The following FRAS1 variants were observed in gnomAD, a reference collection of about 807,000 sequenced individuals.
FRAS1 encodes the protein Fraser extracellular matrix complex subunit 1, also known as extracellular matrix organizing protein FRAS1.
A neutral mutation model predicts 435.2 loss-of-function variants in FRAS1; 290 were observed. That is an observed-to-expected ratio of 0.67 (90% CI 0.61 to 0.73). The LOEUF is 0.73. FRAS1 is among the 30% of genes least tolerant of loss of function. The pLI, the probability that FRAS1 is intolerant of heterozygous loss-of-function variation, is 0.00. For missense variants in FRAS1, 4,860 were observed against 5,001.5 expected, an observed-to-expected ratio of 0.97 and a Z score of 0.85; for synonymous variants, 1,800 against 1,851.0, an observed-to-expected ratio of 0.97 and a Z score of 0.71.
At position 78,508,960 on chromosome 4, in the gene FRAS1, T is replaced by C; in HGVS notation, c.9734T>C (p.Phe3245Ser). 6.2e-7 allele frequency: 1 copy of C among 1,613,976 alleles called. No individual in the cohort carries two copies. The highest frequency in any genetic ancestry group is 8.5e-7 in the Non-Finnish European group (1 of 1,179,868). Residue 3245 changes from phenylalanine to serine, a missense_variant, in exon 63 of 74, where the codon TTT becomes TCT. Transcript: ENST00000512123. ...GATGGCAATGGGGCCCGGTCTCCCT[T>C]TGAAACCATCACTGACAACACACCA... ...PTDGNGARSP[F>S]ETITDNTPFT...
chr4:78,064,045 A>G (rs1181419345), intron 1 of FRAS1, among the ~76,000 whole-genome samples: 2 of 151,920 alleles, frequency 1.3e-5, no homozygotes, highest in Non-Finnish European at 2.9e-5. Context: ...ACACACATAC[A>G]TATGTACACA....
At chr4:78,442,139 A>G (rs532146271) in intron 41 of FRAS1, among the ~76,000 whole-genome samples, 23 of 152,248 alleles carry the variant, frequency 1.5e-4, no homozygotes, top group Non-Finnish European at 3.4e-4. Context: ...CCAGAAATTC[A>G]CTTAGCAGTG....
chr4:78,418,953 G>A lies in FRAS1; in HGVS notation c.4430G>A (p.Arg1477Lys). ...TCCTTCTTAAACTTTGTTTAGGCTA[G>A]AGAAGATGGCCTGACTGTTATTCAG... ...SLEASLHMTA[R>K]EDGLTVIQPH... The change falls in exon 33 of 74, where the codon AGA (arginine) becomes AAA (lysine). Residue 1477 changes from arginine (R) to lysine (K), a missense_variant. By Grantham distance (26) the Arg-to-Lys change is conservative. Transcript: ENST00000512123. The A allele has an allele frequency of 2.5e-6, 4 of 1,589,742 alleles. No individual in the cohort carries two copies. The highest frequency in any genetic ancestry group is 2.7e-5 in the African/African-American group (2 of 74,100).
intron 5 of FRAS1, among the ~76,000 whole-genome samples, chr4:78,254,822 T>G (rs1295289012): frequency 6.6e-6 from 1 of 152,210 alleles, no homozygotes; most frequent in Non-Finnish European, 1.5e-5. Context: ...TTAGTTGCTA[T>G]TTAATGTTTT....
chr4:78,502,208 T>C (rs1207491506), intron 61 of FRAS1, among the ~76,000 whole-genome samples: 2 of 152,206 alleles, frequency 1.3e-5, no homozygotes, highest in Non-Finnish European at 2.9e-5. Context: ...AGGGCTCTTT[T>C]TTGGCTCCAT....
intron 70 of FRAS1, among the ~76,000 whole-genome samples, chr4:78,528,037 G>A (rs1314740954): frequency 6.6e-6 from 1 of 152,044 alleles, no homozygotes; most frequent in African/African-American, 2.4e-5. Flanking sequence ...AAGGAGAATT[G>A]GGACACTAGG....
At chr4:78,413,938 C>T (rs942407845) in intron 32 of FRAS1, among the ~76,000 whole-genome samples, 13 of 152,006 alleles carry the variant, frequency 8.6e-5, no homozygotes, top group African/African-American at 1.2e-4. Context: ...CAGACAGAGC[C>T]GCAAGCATAT....
At chr4:78,173,057 T>G (rs529861179) in intron 2 of FRAS1, among the ~76,000 whole-genome samples, 79 of 152,350 alleles carry the variant, frequency 5.2e-4, no homozygotes, top group African/African-American at 1.8e-3. Flanking sequence ...ACAGCTCAGG[T>G]GTGCTCGAAA....
chr4:78,463,000 C>A (rs1719416920), intron 47 of FRAS1, among the ~76,000 whole-genome samples: 2 of 151,814 alleles, frequency 1.3e-5, no homozygotes, highest in African/African-American at 4.8e-5. Context: ...ATCACCAAAC[C>A]CAGAAAACAG....
At chr4:78,154,769 G>C (rs961090980) in intron 2 of FRAS1, among the ~76,000 whole-genome samples, 4 of 152,204 alleles carry the variant, frequency 2.6e-5, no homozygotes, top group African/African-American at 9.7e-5. Context: ...CAGTTGGGTA[G>C]TTAAAAACAA....
intron 2 of FRAS1, among the ~76,000 whole-genome samples, chr4:78,184,121 A>G (rs1489484516): frequency 5.9e-5 from 9 of 152,220 alleles, no homozygotes; most frequent in Admixed American, 5.9e-4. Context: ...TGGGTTGATT[A>G]TAAATTGTCC....
intron 30 of FRAS1, among the ~76,000 whole-genome samples, chr4:78,402,195 T>A (rs139871932): frequency 1.3e-5 from 2 of 152,196 alleles, no homozygotes; most frequent in African/African-American, 4.8e-5. Context: ...AAATTGATCA[T>A]GTGAAAATGA....
At chr4:78,152,525 C>A (rs1344189367) in intron 2 of FRAS1, among the ~76,000 whole-genome samples, 1 of 151,912 alleles carries the variant, frequency 6.6e-6, no homozygotes, top group Non-Finnish European at 1.5e-5. Flanking sequence ...TATTTCCTCC[C>A]CAACTAGAGG....
rs1181240723 is a variant in FRAS1 at position 78,543,849 on chromosome 4, T to C, written c.*2725T>C. 1.3e-5 allele frequency: 2 copies of C among 152,430 alleles called. No homozygotes were observed. Among genetic ancestry groups the C allele is most frequent in the African/African-American group, 2.4e-5 (1 of 41,466 alleles). The allele number at this position is 152,430 out of a possible 1,614,324, so 9.4% of individuals were successfully genotyped here. A position where few individuals can be genotyped will look rare whatever the true frequency, so the allele number is the denominator to read the frequency against. On this transcript the variant is annotated 3_prime_UTR_variant, in exon 74 of 74. Coordinates refer to ENST00000512123, the MANE Select transcript of FRAS1 (RefSeq NM_025074.7). ...GTGTGTGTTTTACTAACCTTTTATATCTTGCCTTCAAGTGAGAAGGAACAA... is the reference window on the plus strand; with the variant it reads ...GTGTGTGTTTTACTAACCTTTTATACCTTGCCTTCAAGTGAGAAGGAACAA...
intron 2 of FRAS1, chr4:78,068,607 TATC>T (rs1213649910): frequency 2.2e-6 from 1 of 456,098 alleles, no homozygotes; most frequent in Non-Finnish European, 4.4e-6. Context: ...ACACTGGACT[TATC>T]ATCTAATTAA....
At chr4:78,502,894 T>TA (rs1210072489) in intron 61 of FRAS1, among the ~76,000 whole-genome samples, 1 of 152,232 alleles carries the variant, frequency 6.6e-6, no homozygotes, top group Non-Finnish European at 1.5e-5. Context: ...ATTCCATCAA[T>TA]ACCTAGTTTA....
intron 2 of FRAS1, among the ~76,000 whole-genome samples, chr4:78,076,587 T>C (rs922753024): frequency 6.6e-6 from 1 of 152,324 alleles, no homozygotes; most frequent in South Asian, 2.1e-4. Flanking sequence ...ATTGTTTGCT[T>C]CTAGGATTTT....
intron 70 of FRAS1, among the ~76,000 whole-genome samples, chr4:78,530,284 C>T (rs1320249919): frequency 2.0e-5 from 3 of 151,872 alleles, no homozygotes; most frequent in Non-Finnish European, 4.4e-5. Context: ...TGTCCTCAGG[C>T]CCTGTGTGGC....
At position 78,076,949 on chromosome 4, in the gene FRAS1, A is replaced by G. The variant is rs564218187; in HGVS notation, c.108+10933A>G. The stretch of plus-strand genomic sequence containing the variant: ...AGTCAGGAGATTAATATAAAGTATA[A>G]TAAAAGAAATACTGTGAGCATCAAG... On this transcript the variant is annotated intron_variant, in intron 2 of 73. Transcript: ENST00000512123. Among the ~76,000 whole-genome samples, 3 of 152,342 alleles carry G rather than the reference A, an allele frequency of 2.0e-5. No homozygotes were observed. The South Asian group carries it at 6.2e-4, about 32-fold the overall frequency.
Sources: gnomAD v4.1 joint callset for allele counts (sites outside exome capture counted in the v4.1 genomes callset) on GRCh38, gnomAD v4.1.1 for gene constraint, MANE v1.5 for transcripts, NCBI Gene and HGNC (gene_info 2026-07-23, HGNC 2026-07-21) for gene names.